The following OXR1 variants were observed in gnomAD, a reference collection of about 807,000 sequenced individuals.
OXR1 encodes the protein oxidation resistance 1.
A neutral mutation model predicts 104.6 loss-of-function variants in OXR1; 41 were observed. The observed-to-expected ratio is 0.39, with a 90% CI of 0.31 to 0.51. OXR1 has a LOEUF of 0.51. Among genes scored for constraint, OXR1 ranks in the 20% least tolerant of loss-of-function variants. The pLI is 0.77. For synonymous variants in OXR1, 348 were observed against 348.4 expected (o/e 1.00, Z 0.01); for missense variants, 955 against 1,031.9 (o/e 0.93, Z 1.02).
intron 1 of OXR1, among the ~76,000 whole-genome samples, chr8:106,349,639 T>C (rs1385856108): frequency 6.6e-6 from 1 of 152,106 alleles, no homozygotes; most frequent in Non-Finnish European, 1.5e-5. Flanking sequence ...TAGATAGAAC[T>C]TTGAACAATA....
At chr8:106,750,170 A>C (rs1278574086) in intron 16 of OXR1, among the ~76,000 whole-genome samples, 1 of 150,390 alleles carries the variant, frequency 6.6e-6, no homozygotes, top group Non-Finnish European at 1.5e-5. Flanking sequence ...AAAAAAAACC[A>C]TACTAAAAAA....
At chr8:106,726,029 C>A (rs753259179) in intron 11 of OXR1, 7 of 589,898 alleles carry the variant, frequency 1.2e-5, no homozygotes, top group Non-Finnish European at 1.6e-5. Flanking sequence ...TCTCTTCCCT[C>A]CCCAGCTTTA....
At chr8:106,673,555 C>T (rs1827257097) in intron 3 of OXR1, among the ~76,000 whole-genome samples, 1 of 152,178 alleles carries the variant, frequency 6.6e-6, no homozygotes, top group African/African-American at 2.4e-5. Flanking sequence ...AGGAGAAATT[C>T]AAGCCAGCTG....
At position 106,464,295 on chromosome 8, in the gene OXR1, AT is replaced by A. The variant is rs1287764574; in HGVS notation, c.24-54644del. Among the ~76,000 whole-genome samples the A allele has an allele frequency of 1.9e-4, 29 of 151,470 alleles. No homozygotes were observed. The Admixed American group carries it at 1.9e-3, about 10-fold the overall frequency. On this transcript the variant is annotated intron_variant, in intron 2 of 16. Coordinates refer to ENST00000517566, the MANE Select transcript of OXR1 (RefSeq NM_001198533.2). ...TTGTGATGGAGATATTTTTATTCTTATTTTGTGATGAGAAAACTGATACCAT... is the reference window on the plus strand; with the variant it reads ...TTGTGATGGAGATATTTTTATTCTTATTTGTGATGAGAAAACTGATACCAT...
At chr8:106,328,285 A>T (rs1814562455) in intron 1 of OXR1, among the ~76,000 whole-genome samples, 1 of 152,230 alleles carries the variant, frequency 6.6e-6, no homozygotes, top group South Asian at 2.1e-4. Flanking sequence ...TTAAGTGCTC[A>T]ACTGAGATAG....
intron 2 of OXR1, among the ~76,000 whole-genome samples, chr8:106,512,386 G>A (rs16874806): frequency 0.019 from 2,948 of 152,218 alleles, 88 homozygotes; most frequent in African/African-American, 0.066. Flanking sequence ...ATATGCTATA[G>A]TGGGTTTTCT....
intron 1 of OXR1, among the ~76,000 whole-genome samples, chr8:106,302,815 C>A (rs1309993267): frequency 6.6e-6 from 1 of 151,218 alleles, no homozygotes; most frequent in Non-Finnish European, 1.5e-5. Flanking sequence ...ACAGTGGCGC[C>A]ATCTCGGCTC....
chr8:106,349,813 T>G (rs1318273456), intron 1 of OXR1, among the ~76,000 whole-genome samples: 2 of 152,246 alleles, frequency 1.3e-5, no homozygotes, highest in Non-Finnish European at 2.9e-5. Context: ...CAACATCCTA[T>G]GAGCTATAGA....
chr8:106,379,701 C>CT (rs1173376442), intron 2 of OXR1, among the ~76,000 whole-genome samples: 1 of 151,824 alleles, frequency 6.6e-6, no homozygotes, highest in Non-Finnish European at 1.5e-5. Flanking sequence ...TCACACCTGG[C>CT]TAAGTTTTGT....
intron 11 of OXR1, among the ~76,000 whole-genome samples, chr8:106,719,043 T>G (rs1384523638): frequency 6.6e-6 from 1 of 152,178 alleles, no homozygotes; most frequent in Admixed American, 6.5e-5. Flanking sequence ...ATAACCTTAT[T>G]TGATAACTGA....
intron 3 of OXR1, among the ~76,000 whole-genome samples, chr8:106,577,284 C>T (rs1234672389): frequency 6.7e-6 from 1 of 148,516 alleles, no homozygotes; most frequent in African/African-American, 2.5e-5. Context: ...AATCTTGGTT[C>T]ACTGCAACCT....
At chr8:106,581,007 A>G in intron 3 of OXR1, 1 of 1,071,436 alleles carries the variant, frequency 9.3e-7, no homozygotes, top group Non-Finnish European at 1.1e-6. Flanking sequence ...ACCCAGCACT[A>G]AAAGCTTCTT....
At chr8:106,422,163 T>C (rs536612659) in intron 2 of OXR1, among the ~76,000 whole-genome samples, 7 of 152,306 alleles carry the variant, frequency 4.6e-5, no homozygotes, top group South Asian at 4.1e-4. Flanking sequence ...TAGTTCTACA[T>C]AGGACATCGC....
At position 106,488,951 on chromosome 8, in the gene OXR1, T is replaced by A. The variant is rs1810887286; in HGVS notation, c.24-29992T>A. 2.0e-5 allele frequency among the ~76,000 whole-genome samples: 3 copies of A among 151,224 alleles called. No homozygotes were observed. The South Asian group carries it at 6.3e-4, about 32-fold the overall frequency. On this transcript the variant is annotated intron_variant, in intron 2 of 16. Transcript: ENST00000517566. ...TGAACTTTAAAGTAGTTTTTTCCAA[T>A]TCTGTGAAGAAAGTCATTGGTAGCT...
chr8:106,558,194 A>T (rs1287771600), intron 3 of OXR1, among the ~76,000 whole-genome samples: 6 of 152,250 alleles, frequency 3.9e-5, no homozygotes, highest in Non-Finnish European at 8.8e-5. Flanking sequence ...ACATATGCAT[A>T]GGAAAAGCTT....
intron 10 of OXR1, among the ~76,000 whole-genome samples, chr8:106,712,172 T>G (rs1232836067): frequency 6.8e-6 from 1 of 148,088 alleles, no homozygotes; most frequent in African/African-American, 2.6e-5. Flanking sequence ...TTCAATTATT[T>G]AAACTTGTTT....
intron 2 of OXR1, among the ~76,000 whole-genome samples, chr8:106,479,676 G>T (rs1822000581): frequency 6.6e-6 from 1 of 151,972 alleles, no homozygotes; most frequent in African/African-American, 2.4e-5. Flanking sequence ...ACAATTAATT[G>T]ACATAGGATT....
At chr8:106,578,539 G>A (rs1818011920) in intron 3 of OXR1, among the ~76,000 whole-genome samples, 1 of 152,182 alleles carries the variant, frequency 6.6e-6, no homozygotes, top group Non-Finnish European at 1.5e-5. Flanking sequence ...GTAGTTCTAT[G>A]TGGTTCAGAG....
intron 11 of OXR1, among the ~76,000 whole-genome samples, chr8:106,734,211 A>C (rs138648262): frequency 1.6e-4 from 25 of 152,156 alleles, no homozygotes; most frequent in Admixed American, 7.9e-4. Flanking sequence ...CAGTAGTTTT[A>C]ATTTGGGCAA....
Sources: gnomAD v4.1 joint callset for allele counts (sites outside exome capture counted in the v4.1 genomes callset) on GRCh38, gnomAD v4.1.1 for gene constraint, MANE v1.5 for transcripts, NCBI Gene and HGNC (gene_info 2026-07-23, HGNC 2026-07-21) for gene names.